KLRG1: variants seen among roughly 807,000 people sequenced by gnomAD.
KLRG1 encodes the protein killer cell lectin-like receptor subfamily G member 1.
Under a neutral mutation model 21.8 loss-of-function variants are expected in KLRG1, and 16 were observed. That is an observed-to-expected ratio of 0.73 (90% CI 0.50 to 1.11). The LOEUF (loss-of-function observed/expected upper bound fraction) is 1.11, where lower values mean the gene tolerates loss of function less well. Among genes scored for constraint, KLRG1 ranks in the 50% most tolerant of loss-of-function variants. The probability of loss-of-function intolerance (pLI) is 0.00; values close to 1 mark genes in which losing one functional copy is unlikely to be tolerated. For synonymous variants in KLRG1, 69 were observed against 75.9 expected (o/e 0.91, Z 0.47); for missense variants, 173 against 218.3 (o/e 0.79, Z 1.31).
the KLRG1 span, chr12:9,070,551 G>A: frequency 6.2e-7 from 1 of 1,613,896 alleles, no homozygotes; most frequent in Non-Finnish European, 8.5e-7. Context: ...CGATCGCCAT[G>A]TTGGAGGCAG....
At chr12:9,093,632 G>C in the KLRG1 span, 1 of 1,007,878 alleles carries the variant, frequency 9.9e-7, no homozygotes, top group Non-Finnish European at 1.4e-6. Context: ...TAAAGCTTAT[G>C]AGAGAATGTA....
At chr12:9,061,672 A>C in the KLRG1 span, among the ~76,000 whole-genome samples, 2 of 152,162 alleles carry the variant, frequency 1.3e-5, no homozygotes, top group East Asian at 1.9e-4. Context: ...AAATAAGATG[A>C]AAAAGAAGTT....
the KLRG1 span, chr12:9,069,835 C>T: frequency 6.2e-6 from 10 of 1,610,464 alleles, no homozygotes; most frequent in Non-Finnish European, 8.5e-6. Context: ...TGAAATACCA[C>T]AAATGTTAAT....
chr12:9,151,695 A>T, the KLRG1 span: 2 of 1,594,702 alleles, frequency 1.3e-6, no homozygotes, highest in South Asian at 2.2e-5. Flanking sequence ...AGAAAACTTC[A>T]GTTAAAGTTA....
the KLRG1 span, among the ~76,000 whole-genome samples, chr12:9,184,904 GA>G: frequency 7.7e-4 from 117 of 152,236 alleles, no homozygotes; most frequent in African/African-American, 2.8e-3. Context: ...CAAGGTCATC[GA>G]ATAGGATAAA....
At chr12:9,160,213 A>T in the KLRG1 span, 2 of 1,245,214 alleles carry the variant, frequency 1.6e-6, no homozygotes, top group African/African-American at 1.5e-5. Flanking sequence ...TTGTTTTCAT[A>T]AAAATTATCA....
At chr12:8,961,708 G>A (rs1403691101) in intron 1 of KLRG1, among the ~76,000 whole-genome samples, 1 of 151,942 alleles carries the variant, frequency 6.6e-6, no homozygotes, top group Non-Finnish European at 1.5e-5. Flanking sequence ...GTGAGCTACT[G>A]CCCATGGCAG....
At chr12:9,024,920 T>C in the KLRG1 span, among the ~76,000 whole-genome samples, 1 of 151,986 alleles carries the variant, frequency 6.6e-6, no homozygotes, top group Non-Finnish European at 1.5e-5. Context: ...GGAAAGGAAG[T>C]AAAGAAGAGG....
At chr12:9,198,561 A>G in the KLRG1 span, among the ~76,000 whole-genome samples, 1 of 152,176 alleles carries the variant, frequency 6.6e-6, no homozygotes, top group African/African-American at 2.4e-5. Flanking sequence ...GAGAAGGGAG[A>G]GAGAGGGAGA....
chr12:9,153,032 GCC>G, the KLRG1 span: 1 of 1,604,166 alleles, frequency 6.2e-7, no homozygotes, highest in Non-Finnish European at 8.5e-7. Flanking sequence ...CTCCAGAGGT[GCC>G]TTTTACTTTC....
chr12:9,016,284 A>T, the KLRG1 span, among the ~76,000 whole-genome samples: 1 of 152,130 alleles, frequency 6.6e-6, no homozygotes, highest in African/African-American at 2.4e-5. Flanking sequence ...AAAAAGAGAG[A>T]CGATCCAAAT....
At chr12:9,106,505 T>G in the KLRG1 span, 1 of 1,595,404 alleles carries the variant, frequency 6.3e-7, no homozygotes, top group Non-Finnish European at 8.6e-7. Context: ...TCCTTCTTCT[T>G]GGATCTGGGC....
At chr12:9,035,849 A>G in the KLRG1 span, among the ~76,000 whole-genome samples, 3 of 152,232 alleles carry the variant, frequency 2.0e-5, no homozygotes, top group African/African-American at 7.2e-5. Flanking sequence ...TTGCAGCAAC[A>G]TGGATGGAGC....
At chr12:9,082,883 T>A in the KLRG1 span, among the ~76,000 whole-genome samples, 1 of 152,222 alleles carries the variant, frequency 6.6e-6, no homozygotes, top group Non-Finnish European at 1.5e-5. Context: ...TAAACATATG[T>A]GTGCATGTGT....
At position 8,995,176 on chromosome 12, in the gene KLRG1, A is replaced by C. The variant is rs1344677615; in HGVS notation, c.245A>C (p.Tyr82Ser). ...AGCTGCCCAGACCGCTGGATGAAAT[A>C]TGGTAACCATTGTTATTATTTCTCA... Reference protein sequence around the residue: ...CPSCPDRWMKYGNHCYYFSVE... With the variant: ...CPSCPDRWMKSGNHCYYFSVE... The change falls in exon 3 of 5, where the codon TAT (tyrosine) becomes TCT (serine). Residue 82 changes from tyrosine to serine, a missense_variant. Physicochemically the swap from Tyr to Ser is moderately radical, Grantham distance 144. Around this residue, in one of 3 missense-constraint regions of KLRG1, gnomAD observed 144 missense variants for 161.5 expected, o/e 0.89. Coordinates refer to ENST00000356986, the MANE Select transcript of KLRG1 (RefSeq NM_005810.4). The C allele has an allele frequency of 3.1e-6, 5 of 1,613,600 alleles. No homozygotes were observed. Among genetic ancestry groups the C allele is most frequent in the Non-Finnish European group, 4.2e-6 (5 of 1,179,832 alleles).
downstream of KLRG1, among the ~76,000 whole-genome samples, chr12:9,015,543 C>A (rs1027685815): frequency 1.3e-5 from 2 of 152,106 alleles, no homozygotes; most frequent in African/African-American, 4.8e-5. Flanking sequence ...AAGAGATAGA[C>A]CCCAATGCAA....
chr12:9,044,289 A>G, the KLRG1 span, among the ~76,000 whole-genome samples: 1 of 152,232 alleles, frequency 6.6e-6, no homozygotes, highest in African/African-American at 2.4e-5. Context: ...CCCAATGGCT[A>G]GTATGAAGAG....
chr12:9,196,297 C>A, the KLRG1 span: 2 of 1,483,438 alleles, frequency 1.3e-6, no homozygotes, highest in South Asian at 2.3e-5. Context: ...CAACTGGATA[C>A]TTTGCTTACC....
the KLRG1 span, chr12:9,098,639 T>G: frequency 1.2e-6 from 2 of 1,608,602 alleles, no homozygotes; most frequent in African/African-American, 1.3e-5. Flanking sequence ...TCAGGCTTCA[T>G]GAGCAGCACG....
Sources: gnomAD v4.1 joint callset for allele counts (sites outside exome capture counted in the v4.1 genomes callset) on GRCh38, gnomAD v4.1.1 for gene constraint, gnomAD v4.1.1 regional missense constraint, MANE v1.5 for transcripts, NCBI Gene and HGNC (gene_info 2026-07-23, HGNC 2026-07-21) for gene names.